The following SNX29 variants were observed in gnomAD, a reference collection of about 807,000 sequenced individuals.
SNX29 encodes the protein sorting nexin-29.
Under a neutral mutation model 102.1 loss-of-function variants are expected in SNX29, and 78 were observed. That is an observed-to-expected ratio of 0.76 (90% CI 0.64 to 0.92). The LOEUF is 0.92. SNX29 is among the 40% of genes least tolerant of loss of function. SNX29 has a pLI of 0.00. For missense variants in SNX29, 1,280 were observed against 1,061.7 expected (o/e 1.21, Z -2.86); for synonymous variants, 580 against 414.5 (o/e 1.40, Z -4.85).
At chr16:12,525,035 G>A (rs1269972054) in intron 20 of SNX29, among the ~76,000 whole-genome samples, 194 bp downstream of exon 20, 1 of 152,172 alleles carries the variant, frequency 6.6e-6, no homozygotes, top group East Asian at 1.9e-4. Flanking sequence ...AAAGGGATGG[G>A]AAGAGAGCAG....
intron 16 of SNX29, among the ~76,000 whole-genome samples, chr16:12,372,256 C>G (rs909933965): frequency 2.0e-5 from 3 of 152,184 alleles, no homozygotes; most frequent in Non-Finnish European, 4.4e-5. Context: ...CGACTTCCTC[C>G]TCTTTCACAC....
At chr16:12,386,108 T>A (rs1355941438) in intron 16 of SNX29, among the ~76,000 whole-genome samples, 1 of 152,168 alleles carries the variant, frequency 6.6e-6, no homozygotes, top group Non-Finnish European at 1.5e-5. Context: ...CAGCAAAACA[T>A]CTTCTTTCCT....
chr16:12,354,469 T>A (rs926630197), intron 15 of SNX29, among the ~76,000 whole-genome samples: 2 of 152,216 alleles, frequency 1.3e-5, no homozygotes, highest in African/African-American at 4.8e-5. Flanking sequence ...TTTCGGTGTT[T>A]CCTGCATTTA....
chr16:12,473,417 G>C (rs1220117218), intron 18 of SNX29, among the ~76,000 whole-genome samples: 3 of 152,312 alleles, frequency 2.0e-5, no homozygotes, highest in South Asian at 2.1e-4. Flanking sequence ...TCTGCAAAGA[G>C]GTGCCTGGGC....
intron 1 of SNX29, among the ~76,000 whole-genome samples, chr16:11,996,839 C>T (rs375773898): frequency 6.5e-4 from 99 of 152,284 alleles, no homozygotes; most frequent in Middle Eastern, 3.4e-3. Flanking sequence ...CCATCCTGAG[C>T]GATGCCTTGA....
intron 20 of SNX29, among the ~76,000 whole-genome samples, chr16:12,549,718 C>T (rs546806961): frequency 6.6e-6 from 1 of 152,342 alleles, no homozygotes; most frequent in African/African-American, 2.4e-5. Context: ...CCAGGAGAGT[C>T]ACCCTACAAA....
chr16:12,460,429 A>G (rs567019214), intron 18 of SNX29, among the ~76,000 whole-genome samples: 1 of 152,306 alleles, frequency 6.6e-6, no homozygotes, highest in Admixed American at 6.5e-5. Context: ...TAACCAAAGT[A>G]GAAAACTCCT....
rs1245261153 is a variant in SNX29 at position 12,098,612 on chromosome 16, C to T, written c.1402+19697C>T. ...TTTCATGCTCTTCCGTCTGCCGGGACACCCTCCCCTCTCCTCCTCTTTTGC... is the reference window on the plus strand; with the variant it reads ...TTTCATGCTCTTCCGTCTGCCGGGATACCCTCCCCTCTCCTCCTCTTTTGC... On this transcript the variant is annotated intron_variant, in intron 11 of 20. Transcript: ENST00000566228. This position sits in a 1 kb window ranked among gnomAD's most constrained non-coding sequence, Gnocchi z 6.0. Among the ~76,000 whole-genome samples the T allele has an allele frequency of 6.6e-6, 1 of 152,232 alleles. No homozygotes were observed. The highest frequency in any genetic ancestry group is 1.5e-5 in the Non-Finnish European group (1 of 68,042).
In SNX29 at chr16:12,550,103, T is replaced by A. The variant is rs1026825543; in HGVS notation, c.2319-18403T>A. 2.0e-5 allele frequency among the ~76,000 whole-genome samples: 3 copies of A among 152,238 alleles called. No individual in the cohort carries two copies. In the East Asian group the frequency reaches 5.8e-4, roughly 29 times the overall value. ...AAGTTTGCCAACCTATGGGCTAGAA[T>A]ACTGAGGCTGATGTACACTCACATG... is the stretch of plus-strand genomic sequence containing the variant. On this transcript the variant is annotated intron_variant, in intron 20 of 20. Transcript: ENST00000566228.
chr16:12,033,743 A>T (rs2057403567), intron 4 of SNX29, among the ~76,000 whole-genome samples: 1 of 151,572 alleles, frequency 6.6e-6, no homozygotes, highest in Non-Finnish European at 1.5e-5. Context: ...AGTAGCTGCG[A>T]TTACAGGTGC....
chr16:12,508,755 C>T lies in SNX29; in HGVS notation c.2179-15947C>T, dbSNP rs549890174. Among the ~76,000 whole-genome samples the T allele has an allele frequency of 5.3e-5, 8 of 152,234 alleles. No individual in the cohort carries two copies. In the East Asian group the frequency reaches 7.7e-4, roughly 15 times the overall value. On this transcript the variant is annotated intron_variant, in intron 19 of 20. Coordinates refer to ENST00000566228, the MANE Select transcript of SNX29 (RefSeq NM_032167.5). ...TCTTTTATCTCCACCAGCTCCAGGG[C>T]GGGGTATAAATGCCACGCCACCTTC...
rs1419258936 is a variant in SNX29 at position 12,196,621 on chromosome 16, T to C, written c.1596-2980T>C. Among the ~76,000 whole-genome samples the C allele has an allele frequency of 3.7e-3, 407 of 109,028 alleles. 2 individuals are homozygous for C. Among genetic ancestry groups the C allele is most frequent in the African/African-American group, 0.01 (393 of 37,464 alleles). The allele number at this position is 109,028 out of a possible 152,430, so 71.5% of individuals were successfully genotyped here. ...TTTTTTACTTTTCTTTTTTCTTTTT[T>C]CTTTTTTTTTTTTTTTTGGAGACGG... On this transcript the variant is annotated intron_variant, in intron 13 of 20. Coordinates refer to ENST00000566228, the MANE Select transcript of SNX29 (RefSeq NM_032167.5).
intron 20 of SNX29, among the ~76,000 whole-genome samples, chr16:12,561,699 C>T (rs927152399): frequency 6.6e-6 from 1 of 152,192 alleles, no homozygotes; most frequent in African/African-American, 2.4e-5. Context: ...TTTTCCCCAA[C>T]TCCCCAGTGC....
At chr16:12,565,727 C>T (rs933294660) in intron 20 of SNX29, among the ~76,000 whole-genome samples, 2 of 152,214 alleles carry the variant, frequency 1.3e-5, no homozygotes, top group African/African-American at 2.4e-5. Flanking sequence ...TGCCCGGCTA[C>T]AAGTCCACCC....
chr16:12,423,627 G>A (rs1261986008), intron 18 of SNX29, among the ~76,000 whole-genome samples: 4 of 152,178 alleles, frequency 2.6e-5, no homozygotes, highest in Admixed American at 2.6e-4. Flanking sequence ...CTGGAGTGCA[G>A]TGGCGCCATC....
chr16:12,329,825 T>C (rs2081243466), intron 15 of SNX29, among the ~76,000 whole-genome samples: 1 of 152,234 alleles, frequency 6.6e-6, no homozygotes, highest in African/African-American at 2.4e-5. Flanking sequence ...TCAGACCTGT[T>C]CTTTGAATAG....
At chr16:12,188,033 T>A (rs1477921339) in intron 13 of SNX29, among the ~76,000 whole-genome samples, 1 of 152,138 alleles carries the variant, frequency 6.6e-6, no homozygotes, top group African/African-American at 2.4e-5. Context: ...TATGTCCAGG[T>A]GATAATTTGA....
At chr16:12,288,330 A>G (rs537675477) in intron 15 of SNX29, among the ~76,000 whole-genome samples, 1 of 152,318 alleles carries the variant, frequency 6.6e-6, no homozygotes, top group African/African-American at 2.4e-5. Context: ...CAATGACTCA[A>G]AAGTTAATAC....
Position 12,210,595 on chromosome 16 carries a change from T to C in SNX29, c.1678+10912T>C, listed in dbSNP as rs114385754. Among the ~76,000 whole-genome samples, 1,105 of 152,152 alleles carry C rather than the reference T, an allele frequency of 7.3e-3. 12 individuals are homozygous for C. The highest frequency in any genetic ancestry group is 0.025 in the African/African-American group (1,056 of 41,502). ...CCAGGCCTGAAGCTCCCTCTCCCTC[T>C]GGACTCCTCCACTGCCGAGCTTCCA... On this transcript the variant is annotated intron_variant, in intron 14 of 20. Transcript: ENST00000566228.
Sources: allele counts gnomAD v4.1 joint callset (sites outside exome capture counted in the v4.1 genomes callset), GRCh38; gene constraint gnomAD v4.1.1; non-coding constraint Gnocchi (gnomAD v3.1); transcripts MANE v1.5; gene names NCBI Gene and HGNC (gene_info 2026-07-23, HGNC 2026-07-21).